SNX17: variants seen among roughly 807,000 people sequenced by gnomAD.
SNX17 encodes the protein sorting nexin-17.
A neutral mutation model predicts 64.3 loss-of-function variants in SNX17; 35 were observed. That is an observed-to-expected ratio of 0.54 (90% CI 0.42 to 0.72). SNX17 has a LOEUF of 0.72. SNX17 is among the 30% of genes least tolerant of loss of function. The pLI, the probability that SNX17 is intolerant of heterozygous loss-of-function variation, is 0.00. For synonymous variants in SNX17, 259 were observed against 230.2 expected (o/e 1.13, Z -1.13); for missense variants, 538 against 610.0 (o/e 0.88, Z 1.24).
Position 27,374,466 on chromosome 2 carries a change from A to C in SNX17, c.611+33A>C, listed in dbSNP as rs752845387. The C allele has an allele frequency of 1.9e-6, 3 of 1,570,234 alleles. No homozygotes were observed. The South Asian group carries it at 3.3e-5, about 17-fold the overall frequency. On this transcript the variant is annotated intron_variant, in intron 7 of 14. Transcript: ENST00000233575. ...CTGGGCCTGGAAGGGGAGGGGTGGG[A>C]GGTGCTGTGCTGGATTGGATTATTG...
Position 27,373,286 on chromosome 2 carries a change from A to C in SNX17, c.296A>C (p.Asn99Thr). ...TTGCTTGGGAGCAGCGAGACTTTCA[A>C]CAGTTTCCTGCGTCGGGCACAACAG... ...DPLLGSSETF[N>T]SFLRRAQQET... The change falls in exon 4 of 15, where the codon AAC becomes ACC. Residue 99 changes from asparagine to threonine, a missense_variant. Around this residue, in one of 3 missense-constraint regions of SNX17, gnomAD observed 505 missense variants for 550.4 expected, o/e 0.92. Coordinates refer to ENST00000233575, the MANE Select transcript of SNX17 (RefSeq NM_014748.4). 1 of 1,614,188 alleles carries C rather than the reference A, an allele frequency of 6.2e-7. No individual in the cohort carries two copies. Among genetic ancestry groups the C allele is most frequent in the Non-Finnish European group, 8.5e-7 (1 of 1,180,008 alleles).
At chr2:27,374,036 G>A (rs750068216) in intron 5 of SNX17, 49 bp from the exon 6 acceptor site, 1 of 1,609,976 alleles carries the variant, frequency 6.2e-7, no homozygotes, top group South Asian at 1.1e-5. Context: ...CTTGGAGAAT[G>A]ATTGGAACCA....
rs777565021 is a variant in SNX17, at chr2:27,377,437, C to G, written c.*718C>G. On this transcript the variant is annotated 3_prime_UTR_variant, in exon 15 of 15. Coordinates refer to ENST00000233575, the MANE Select transcript of SNX17 (RefSeq NM_014748.4). This position sits in a 1 kb window ranked among gnomAD's most constrained non-coding sequence, Gnocchi z 4.4. ...GGGCCCCCCCGCCCATGGGGTTGGG[C>G]TGGTCCTTATAGTGCCTACGTTAGT... The G allele has an allele frequency of 7.1e-6, 9 of 1,275,548 alleles. No individual in the cohort carries two copies. In the South Asian group the frequency reaches 8.6e-5, roughly 12 times the overall value. The allele number at this position is 1,275,548 out of a possible 1,614,324, so 79.0% of individuals were successfully genotyped here. A position where few individuals can be genotyped will look rare whatever the true frequency, so the allele number is the denominator to read the frequency against.
intron 3 of SNX17, 53 bp from the exon 4 acceptor site, chr2:27,373,194 G>A (rs1682815747): frequency 6.2e-7 from 1 of 1,611,878 alleles, no homozygotes. Context: ...GGAGGACTGG[G>A]GAGCCAAGAG....
rs765485022 is a variant in SNX17, at chr2:27,373,233, T to A, written c.257-14T>A. 1 of 1,614,138 alleles carries A rather than the reference T, an allele frequency of 6.2e-7. No individual in the cohort carries two copies. Among genetic ancestry groups the A allele is most frequent in the South Asian group, 1.1e-5 (1 of 91,080 alleles). On this transcript the variant is annotated splice_polypyrimidine_tract_variant and intron_variant, in intron 3 of 14. Transcript: ENST00000233575. ...GTGCTAAGTTCCTGTAATAATGTTC[T>A]CTTGTCCTCGTAGTTCGGCAAGACC...
chr2:27,370,950 T>C, intron 1 of SNX17, 144 bp downstream of exon 1: 1 of 960,130 alleles, frequency 1.0e-6, no homozygotes, highest in Non-Finnish European at 1.5e-6. Flanking sequence ...TCTGGGAGCT[T>C]ATCTCATGTG....
Position 27,376,826 on chromosome 2 carries a change from T to G in SNX17, c.*107T>G, listed in dbSNP as rs1359805836. 3.3e-6 allele frequency: 3 copies of G among 897,164 alleles called. No homozygotes were observed. The African/African-American group carries it at 5.0e-5, about 15-fold the overall frequency. The allele number at this position is 897,164 out of a possible 1,614,324, so 55.6% of individuals were successfully genotyped here. On this transcript the variant is annotated 3_prime_UTR_variant, in exon 15 of 15. Transcript: ENST00000233575. Reference sequence around the variant, plus strand: ...GCGGAGGGGTCTTTTCCTTCTTCTTTCCTACCTACCCCTTTTCTCTTGGCC... The same window carrying G: ...GCGGAGGGGTCTTTTCCTTCTTCTTGCCTACCTACCCCTTTTCTCTTGGCC...
chr2:27,375,890 G>A lies in SNX17; in HGVS notation c.1023G>A (p.Arg341=), dbSNP rs1683155440. The change falls in exon 11 of 15, where the codon CGG becomes CGA. Residue 341 remains arginine (R), a synonymous_variant. Coordinates refer to ENST00000233575, the MANE Select transcript of SNX17 (RefSeq NM_014748.4). The surrounding 1 kb of genome is among the most constrained non-coding windows in gnomAD (Gnocchi z 4.1). ...GCACGAGCAGCCCAGGCCGGGGCCG[G>A]GGTGAGGTGCGCCTGGAACTGGCTT... ...SGSTSSPGRG[R]GEVRLELAFE... is the part of the protein sequence containing the mutation. 6.2e-7 allele frequency: 1 copy of A among 1,614,084 alleles called. No individual in the cohort carries two copies. Among genetic ancestry groups the A allele is most frequent in the African/African-American group, 1.3e-5 (1 of 74,946 alleles).
chr2:27,373,417 C>A, intron 4 of SNX17, 106 bp downstream of exon 4: 1 of 1,148,632 alleles, frequency 8.7e-7, no homozygotes. Flanking sequence ...GGCTGGAGTG[C>A]AGTGGTGCGA....
At chr2:27,376,011 A>C (rs1470273125) in intron 11 of SNX17, 40 bp downstream of exon 11, 2 of 1,613,596 alleles carry the variant, frequency 1.2e-6, no homozygotes, top group Non-Finnish European at 1.7e-6. Flanking sequence ...AGCACCTTAA[A>C]GTGTAGAGTT....
rs1683309959 is a variant in SNX17 at position 27,376,932 on chromosome 2, TCGATGC to T, written c.*215_*220del. ...CCCCTTCTCTTTTCAGAGCTGGCCCTCGATGCCAAATTAGCATTTAGTATTTTGCAC... is the reference window on the plus strand; with the variant it reads ...CCCCTTCTCTTTTCAGAGCTGGCCCTCAAATTAGCATTTAGTATTTTGCAC... On this transcript the variant is annotated 3_prime_UTR_variant, in exon 15 of 15. Transcript: ENST00000233575. 6.9e-6 allele frequency: 4 copies of T among 582,184 alleles called. No homozygotes were observed. In the African/African-American group the frequency reaches 7.5e-5, roughly 11 times the overall value. The allele number at this position is 582,184 out of a possible 1,614,324, so 36.1% of individuals were successfully genotyped here.
chr2:27,374,957 T>A, intron 8 of SNX17, 104 bp from the exon 9 acceptor site: 1 of 1,139,150 alleles, frequency 8.8e-7, no homozygotes, highest in South Asian at 1.3e-5. Flanking sequence ...GAGAGGTCGC[T>A]CAAGTGTGGG....
intron 5 of SNX17, 37 bp downstream of exon 5, chr2:27,374,008 A>C (rs376791782): frequency 3.5e-5 from 56 of 1,604,406 alleles, no homozygotes; most frequent in Admixed American, 1.2e-4. Flanking sequence ...TTCTTCCCCT[A>C]CATCCTGGGG....
At position 27,370,678 on chromosome 2, in the gene SNX17, G is replaced by T. The variant is rs144823348; in HGVS notation, c.-66G>T. On this transcript the variant is annotated 5_prime_UTR_variant, in exon 1 of 15. Coordinates refer to ENST00000233575, the MANE Select transcript of SNX17 (RefSeq NM_014748.4). ...TGCGGGGACTCGCTGAGCAGCGGAG[G>T]GGGAGCGTGCAGAGCCGCTGCGGCC... 2.0e-6 allele frequency: 3 copies of T among 1,496,046 alleles called. No homozygotes were observed. The highest frequency in any genetic ancestry group is 2.5e-5 in the East Asian group (1 of 39,952). The allele number at this position is 1,496,046 out of a possible 1,614,324, so 92.7% of individuals were successfully genotyped here.
At position 27,374,162 on chromosome 2, in the gene SNX17, T is replaced by G. The variant is rs572068234; in HGVS notation, c.510T>G (p.Asp170Glu). 6.2e-7 allele frequency: 1 copy of G among 1,613,922 alleles called. No homozygotes were observed. The highest frequency in any genetic ancestry group is 1.7e-5 in the Admixed American group (1 of 60,030). Reference protein sequence around the residue: ...FSLFLVREKEDGAFSFVRKLQ... With the variant: ...FSLFLVREKEEGAFSFVRKLQ... ...TATTCTTAGTTCGAGAAAAAGAGGA[T>G]GGAGCCTTTTCTTGTGAGTTTCTCT... Residue 170 changes from aspartate to glutamate, a missense_variant, in exon 6 of 15, where the codon GAT (aspartate) becomes GAG (glutamate). Transcript: ENST00000233575.
Position 27,376,587 on chromosome 2 carries a change from C to T in SNX17, c.1300-19C>T. On this transcript the variant is annotated intron_variant, in intron 14 of 14. Coordinates refer to ENST00000233575, the MANE Select transcript of SNX17 (RefSeq NM_014748.4). ...CTTGCACGCCCAAGATCTCTGACCC[C>T]ACCCTGCCTTTGTTACAGAGTAAGC... The T allele has an allele frequency of 6.2e-7, 1 of 1,614,160 alleles. No individual in the cohort carries two copies. Among genetic ancestry groups the T allele is most frequent in the Middle Eastern group, 1.6e-4 (1 of 6,062 alleles).
chr2:27,377,403 G>A lies in SNX17; in HGVS notation c.*684G>A, dbSNP rs562650329. ...TGCCTCAGTCAAGGCAAGGTCCCCT[G>A]GTCCATATGGGCCCCCCCGCCCATG... On this transcript the variant is annotated 3_prime_UTR_variant, in exon 15 of 15. Transcript: ENST00000233575. This position sits in a 1 kb window ranked among gnomAD's most constrained non-coding sequence, Gnocchi z 4.4. The A allele has an allele frequency of 2.2e-6, 2 of 890,654 alleles. No homozygotes were observed. The highest frequency in any genetic ancestry group is 2.0e-5 in the Admixed American group (1 of 50,340). 55.2% of individuals were successfully genotyped at this position (890,654 alleles called of 1,614,324 possible).
At chr2:27,373,020 C>T (rs751037706) in intron 3 of SNX17, 4 of 1,538,352 alleles carry the variant, frequency 2.6e-6, no homozygotes, top group Non-Finnish European at 3.5e-6. Flanking sequence ...TTTAGATTAA[C>T]ATCATTGTTA....
chr2:27,371,506 A>G (rs1682542086), intron 2 of SNX17, 163 bp downstream of exon 2: 2 of 1,349,884 alleles, frequency 1.5e-6, no homozygotes, highest in Non-Finnish European at 1.9e-6. Flanking sequence ...ATTTCCGGGA[A>G]CTCCCTAAGA....
Sources: allele counts gnomAD v4.1 joint callset, GRCh38; gene constraint gnomAD v4.1.1; regional missense constraint gnomAD v4.1.1; non-coding constraint Gnocchi (gnomAD v3.1); transcripts MANE v1.5; gene names NCBI Gene and HGNC (gene_info 2026-07-23, HGNC 2026-07-21).